PRKAG2: variants seen among roughly 807,000 people sequenced by gnomAD.
PRKAG2 encodes 5'-AMP-activated protein kinase subunit gamma-2.
Under a neutral mutation model 69.6 loss-of-function variants are expected in PRKAG2, and 26 were observed. The ratio of observed to expected loss-of-function variants is 0.37; its 90% CI spans 0.27 to 0.52. The LOEUF (loss-of-function observed/expected upper bound fraction) is 0.52. PRKAG2 is among the 20% of genes least tolerant of loss of function. The pLI is 0.90. For missense variants in PRKAG2, 557 were observed against 740.0 expected, an observed-to-expected ratio of 0.75 and a Z score of 2.87; for synonymous variants, 293 against 285.0, an observed-to-expected ratio of 1.03 and a Z score of -0.28.
At chr7:151,693,361 C>T (rs1380905167) in intron 3 of PRKAG2, among the ~76,000 whole-genome samples, 1 of 152,138 alleles carries the variant, frequency 6.6e-6, no homozygotes, top group African/African-American at 2.4e-5. Flanking sequence ...GAGGCCCTCA[C>T]CAGGTGGCTA....
chr7:151,709,257 G>C (rs1839142362), intron 3 of PRKAG2, among the ~76,000 whole-genome samples: 3 of 152,092 alleles, frequency 2.0e-5, no homozygotes, highest in Middle Eastern at 6.8e-3. Context: ...TTGTGACAAT[G>C]TGTGACATTG....
chr7:151,743,461 G>C (rs529985426), intron 3 of PRKAG2, among the ~76,000 whole-genome samples: 11 of 152,220 alleles, frequency 7.2e-5, no homozygotes, highest in Admixed American at 2.0e-4. Context: ...TTCTTTACGT[G>C]TGTCTTCTGG....
At chr7:151,557,489 C>T in intron 15 of PRKAG2, 1 of 984,824 alleles carries the variant, frequency 1.0e-6, no homozygotes, top group Non-Finnish European at 1.2e-6. Flanking sequence ...GAATTCCACT[C>T]TTAAAAAATT....
At chr7:151,812,694 T>A (rs1420459319) in intron 1 of PRKAG2, among the ~76,000 whole-genome samples, 2 of 152,072 alleles carry the variant, frequency 1.3e-5, no homozygotes, top group Non-Finnish European at 2.9e-5. Context: ...AGGGACTGGG[T>A]CCACCCAACC....
At chr7:151,743,395 T>G (rs1490862094) in intron 3 of PRKAG2, among the ~76,000 whole-genome samples, 4 of 152,156 alleles carry the variant, frequency 2.6e-5, no homozygotes, top group Non-Finnish European at 5.9e-5. Flanking sequence ...ATTCTGACAC[T>G]AGGTTTATAA....
chr7:151,799,503 G>T (rs566226581), intron 1 of PRKAG2, among the ~76,000 whole-genome samples: 7 of 152,178 alleles, frequency 4.6e-5, no homozygotes, highest in African/African-American at 1.4e-4. Flanking sequence ...TGTCTCCAGC[G>T]ACAGCACAAA....
intron 6 of PRKAG2, among the ~76,000 whole-genome samples, chr7:151,581,035 T>C (rs958492255): frequency 6.6e-6 from 1 of 152,170 alleles, no homozygotes; most frequent in Non-Finnish European, 1.5e-5. Context: ...AATGTATGCC[T>C]GTATCAAAAT....
intron 1 of PRKAG2, among the ~76,000 whole-genome samples, chr7:151,804,759 G>A (rs1449169243): frequency 1.3e-5 from 2 of 152,130 alleles, no homozygotes; most frequent in Admixed American, 1.3e-4. Flanking sequence ...CACAGAGTCG[G>A]CACTTGAGGT....
At chr7:151,732,481 G>A (rs532818102) in intron 3 of PRKAG2, among the ~76,000 whole-genome samples, 12 of 152,148 alleles carry the variant, frequency 7.9e-5, no homozygotes, top group Admixed American at 1.3e-4. Flanking sequence ...AGGAGAGGGC[G>A]TTGCTGAGAG....
At chr7:151,688,646 A>G (rs1032384388) in intron 3 of PRKAG2, among the ~76,000 whole-genome samples, 1 of 152,162 alleles carries the variant, frequency 6.6e-6, no homozygotes, top group African/African-American at 2.4e-5. Flanking sequence ...GAGTGTTTCC[A>G]GTCCCTCTTG....
chr7:151,635,830 C>G (rs1304505904), intron 4 of PRKAG2, among the ~76,000 whole-genome samples: 3 of 151,854 alleles, frequency 2.0e-5, no homozygotes, highest in Admixed American at 6.6e-5. Context: ...TGAGTCAGGC[C>G]AAGCTGATTT....
At position 151,698,994 on chromosome 7, in the gene PRKAG2, C is replaced by T. The variant is rs149351507; in HGVS notation, c.467-23357G>A. Among the ~76,000 whole-genome samples, 38 of 152,272 alleles carry T rather than the reference C, an allele frequency of 2.5e-4. 1 individual carries two copies. In the East Asian group the frequency reaches 2.7e-3, roughly 11 times the overall value. On this transcript the variant is annotated intron_variant, in intron 3 of 15. Transcript: ENST00000287878. ...AAGGTCCTGAAATCAGGTAACTTCT[C>T]GCTACAGTGTAAATGACTGATAGGC...
chr7:151,763,120 TCCATCC>T (rs1185144149), intron 3 of PRKAG2, among the ~76,000 whole-genome samples: 1 of 152,168 alleles, frequency 6.6e-6, no homozygotes, highest in Non-Finnish European at 1.5e-5. Flanking sequence ...TTAAACTGAA[TCCATCC>T]CCTCGCTACC....
intron 3 of PRKAG2, among the ~76,000 whole-genome samples, chr7:151,765,870 T>G (rs1372889409): frequency 3.3e-5 from 5 of 152,216 alleles, no homozygotes; most frequent in African/African-American, 1.2e-4. Context: ...CCTGGCCTGA[T>G]AACTTGATTT....
intron 1 of PRKAG2, among the ~76,000 whole-genome samples, chr7:151,852,162 C>T (rs1475402098): frequency 1.3e-5 from 2 of 152,152 alleles, no homozygotes; most frequent in Non-Finnish European, 2.9e-5. Context: ...CAGACCGAGG[C>T]ACTGGTCGGG....
chr7:151,819,832 T>A (rs1443629974), intron 1 of PRKAG2, among the ~76,000 whole-genome samples: 1 of 152,150 alleles, frequency 6.6e-6, no homozygotes, highest in Non-Finnish European at 1.5e-5. Context: ...GTGTACTGAG[T>A]GTGCATGCAG....
At chr7:151,811,895 C>G (rs1881637) in intron 1 of PRKAG2, among the ~76,000 whole-genome samples, 1 of 152,144 alleles carries the variant, frequency 6.6e-6, no homozygotes, top group African/African-American at 2.4e-5. Flanking sequence ...TCCGAGGGCC[C>G]GAGTTTGAGC....
intron 15 of PRKAG2, chr7:151,558,905 G>A (rs1308240020): frequency 2.0e-6 from 2 of 985,346 alleles, no homozygotes; most frequent in East Asian, 2.3e-4. Flanking sequence ...TCAAGAAACA[G>A]AGAGGATGAA....
chr7:151,761,864 C>G (rs1333811748), intron 3 of PRKAG2, among the ~76,000 whole-genome samples: 1 of 152,238 alleles, frequency 6.6e-6, no homozygotes, highest in Non-Finnish European at 1.5e-5. Flanking sequence ...CCCTAGAAAC[C>G]ATGTCCCCAG....
Sources: allele counts gnomAD v4.1 joint callset (sites outside exome capture counted in the v4.1 genomes callset), GRCh38; gene constraint gnomAD v4.1.1; transcripts MANE v1.5; gene names NCBI Gene and HGNC (gene_info 2026-07-23, HGNC 2026-07-21).